Variants in UGT2A1 observed in about 807,000 individuals in gnomAD.
UGT2A1 encodes the protein UDP glucuronosyltransferase family 2 member A1 complex locus.
UGT2A1 carries 61 observed loss-of-function variants against 45.4 expected under a neutral mutation model. That is an observed-to-expected ratio of 1.34 (90% CI 1.09 to 1.66). The LOEUF is 1.66. Ranked by LOEUF, UGT2A1 falls within the 40% of genes most tolerant of loss-of-function variation. The pLI is 0.00. For synonymous variants in UGT2A1, 229 were observed against 196.2 expected, an observed-to-expected ratio of 1.17 and a Z score of -1.40; for missense variants, 649 against 574.3, an observed-to-expected ratio of 1.13 and a Z score of -1.33.
At chr4:69,626,303 C>T (rs73824179) in intron 3 of UGT2A1, among the ~76,000 whole-genome samples, 10,476 of 151,272 alleles carry the variant, frequency 0.069, 419 homozygotes, top group African/African-American at 0.1. Context: ...AGAGGCCATA[C>T]ACATCTAAAG....
intron 3 of UGT2A1, among the ~76,000 whole-genome samples, chr4:69,609,797 T>G (rs980794496): frequency 2.0e-5 from 3 of 152,146 alleles, no homozygotes; most frequent in African/African-American, 7.2e-5. Flanking sequence ...TTCACTGCAT[T>G]CCACAAAAAA....
At chr4:69,632,110 T>C (rs1405667773) in intron 3 of UGT2A1, among the ~76,000 whole-genome samples, 2 of 152,192 alleles carry the variant, frequency 1.3e-5, no homozygotes, top group African/African-American at 4.8e-5. Flanking sequence ...GATCTATTCC[T>C]ATGTGTTTAT....
chr4:69,626,196 A>T (rs1437259408), intron 3 of UGT2A1, among the ~76,000 whole-genome samples: 1 of 151,142 alleles, frequency 6.6e-6, no homozygotes, highest in Non-Finnish European at 1.5e-5. Flanking sequence ...TTGATCTGGT[A>T]GAGAGATATT....
chr4:69,592,150 G>A (rs1718630605), intron 6 of UGT2A1, among the ~76,000 whole-genome samples: 2 of 152,028 alleles, frequency 1.3e-5, no homozygotes, highest in Non-Finnish European at 2.9e-5. Flanking sequence ...TTTTAAGCAG[G>A]TTACTTCCGT....
intron 3 of UGT2A1, among the ~76,000 whole-genome samples, chr4:69,629,157 A>G (rs1261441692): frequency 6.6e-6 from 1 of 151,898 alleles, no homozygotes; most frequent in African/African-American, 2.4e-5. Context: ...TGATATTCAC[A>G]CATGCTACTC....
chr4:69,626,672 T>C (rs1355184412), intron 3 of UGT2A1, among the ~76,000 whole-genome samples: 1 of 151,572 alleles, frequency 6.6e-6, no homozygotes, highest in South Asian at 2.1e-4. Flanking sequence ...ATGTTACTAC[T>C]AAAGAAAGCT....
chr4:69,624,979 T>C (rs1315538162), intron 3 of UGT2A1, among the ~76,000 whole-genome samples: 1 of 149,748 alleles, frequency 6.7e-6, no homozygotes, highest in Non-Finnish European at 1.5e-5. Flanking sequence ...TATAGAAGAT[T>C]AATTTTCTTG....
intron 2 of UGT2A1, among the ~76,000 whole-genome samples, chr4:69,636,130 C>T (rs1229543004): frequency 6.6e-6 from 1 of 152,116 alleles, no homozygotes; most frequent in Admixed American, 6.6e-5. Context: ...TGATGTCCTT[C>T]AAGACATTTG....
chr4:69,648,161 CAAAT>C (rs1207000403), intron 1 of UGT2A1, among the ~76,000 whole-genome samples: 1 of 149,678 alleles, frequency 6.7e-6, no homozygotes, highest in Non-Finnish European at 1.5e-5. Context: ...ATAAGATTGT[CAAAT>C]AATATGTATA....
At chr4:69,607,521 T>C (rs7698372) in intron 3 of UGT2A1, among the ~76,000 whole-genome samples, 20,798 of 151,352 alleles carry the variant, frequency 0.14, 1,481 homozygotes, top group Non-Finnish European at 0.17. Context: ...AAGGACTTCA[T>C]GTCTAAAACA....
Position 69,640,498 on chromosome 4 carries a change from T to C in UGT2A1, c.716-4676A>G, listed in dbSNP as rs1170767845. Among the ~76,000 whole-genome samples, 3 of 152,062 alleles carry C rather than the reference T, an allele frequency of 2.0e-5. No homozygotes were observed. In the South Asian group the frequency reaches 6.2e-4, roughly 32 times the overall value. On this transcript the variant is annotated intron_variant, in intron 2 of 6. Coordinates refer to ENST00000286604, the MANE Select transcript of UGT2A1 (RefSeq NM_001252275.3). Reference sequence around the variant, plus strand: ...GATATAGTGAGATCAGATATGGATATAGTGTTGCAATTCTTAGTGAATCCC... The same window carrying C: ...GATATAGTGAGATCAGATATGGATACAGTGTTGCAATTCTTAGTGAATCCC...
At chr4:69,612,658 G>A (rs1720132855) in intron 3 of UGT2A1, among the ~76,000 whole-genome samples, 1 of 151,866 alleles carries the variant, frequency 6.6e-6, no homozygotes, top group Non-Finnish European at 1.5e-5. Flanking sequence ...AATGGTGCTG[G>A]GATAACTGGC....
At chr4:69,636,949 C>A (rs556608571) in intron 2 of UGT2A1, among the ~76,000 whole-genome samples, 4 of 152,054 alleles carry the variant, frequency 2.6e-5, no homozygotes, top group Admixed American at 1.3e-4. Context: ...TTTTCAGGAC[C>A]CTTCACCTTG....
intron 3 of UGT2A1, among the ~76,000 whole-genome samples, chr4:69,624,908 G>A (rs528458507): frequency 9.1e-4 from 137 of 150,920 alleles, no homozygotes; most frequent in African/African-American, 3.0e-3. Flanking sequence ...CGTCTAGATC[G>A]AAATTTTTAC....
At chr4:69,595,981 A>G (rs533103520) in intron 4 of UGT2A1, among the ~76,000 whole-genome samples, 52 of 152,334 alleles carry the variant, frequency 3.4e-4, no homozygotes, top group African/African-American at 1.3e-3. Flanking sequence ...AAAGGTCAGT[A>G]GGGGCTTAAA....
chr4:69,589,399 C>T lies in UGT2A1; in HGVS notation c.1557G>A (p.Lys519=), dbSNP rs747409557. ...ATTCTCTTTTTTTCTTCTTTCCTATCTTACCAAATTTTTGACAGGAAAACA... is the reference window on the plus strand; with the variant it reads ...ATTCTCTTTTTTTCTTCTTTCCTATTTTACCAAATTTTTGACAGGAAAACA... The part of the protein sequence containing the change: ...CCLFSCQKFG[K]IGKKKKRE Residue 519 remains lysine, a synonymous_variant, in exon 7 of 7, where the codon AAG becomes AAA. Coordinates refer to ENST00000286604, the MANE Select transcript of UGT2A1 (RefSeq NM_001252275.3). 2 of 1,612,794 alleles carry T rather than the reference C, an allele frequency of 1.2e-6. No homozygotes were observed. Among genetic ancestry groups the T allele is most frequent in the East Asian group, 4.5e-5 (2 of 44,860 alleles).
intron 4 of UGT2A1, 76 bp from the exon 5 acceptor site, chr4:69,595,325 A>G: frequency 6.5e-7 from 1 of 1,542,290 alleles, no homozygotes; most frequent in Non-Finnish European, 8.9e-7. Context: ...TTATTTAGAA[A>G]TCATTTAGCC....
At chr4:69,646,048 A>G (rs1722244896) in intron 2 of UGT2A1, among the ~76,000 whole-genome samples, 1 of 151,782 alleles carries the variant, frequency 6.6e-6, no homozygotes, top group African/African-American at 2.4e-5. Flanking sequence ...ACTCCTCTAC[A>G]TTTTGTATTT....
rs890890274 is a variant in UGT2A1, at chr4:69,596,495, T to G, written c.997-1246A>C. 4 of 1,315,692 alleles carry G rather than the reference T, an allele frequency of 3.0e-6. No homozygotes were observed. The African/African-American group carries it at 4.6e-5, about 15-fold the overall frequency. The allele number at this position is 1,315,692 out of a possible 1,614,324, so 81.5% of individuals were successfully genotyped here. ...ATATATGTCAGAGAAACTGTTGAAC[T>G]GTCTGTCTTCTGACATGTAGAAAGA... On this transcript the variant is annotated intron_variant, in intron 4 of 6. Transcript: ENST00000286604.
Sources: gnomAD v4.1 joint callset for allele counts (sites outside exome capture counted in the v4.1 genomes callset) on GRCh38, gnomAD v4.1.1 for gene constraint, MANE v1.5 for transcripts, NCBI Gene and HGNC (gene_info 2026-07-23, HGNC 2026-07-21) for gene names.